The following ZHX1 variants were observed in gnomAD, a reference collection of about 807,000 sequenced individuals.
ZHX1 encodes the protein zinc fingers and homeoboxes protein 1.
Under a neutral mutation model 61.8 loss-of-function variants are expected in ZHX1, and 20 were observed. The ratio of observed to expected loss-of-function variants is 0.32; its 90% CI spans 0.23 to 0.47. The LOEUF (loss-of-function observed/expected upper bound fraction) is 0.47. ZHX1 is among the 20% of genes least tolerant of loss of function. The pLI is 1.00. For synonymous variants in ZHX1, 318 were observed against 352.6 expected, an observed-to-expected ratio of 0.90 and a Z score of 1.10; for missense variants, 800 against 1,034.8, an observed-to-expected ratio of 0.77 and a Z score of 3.11.
chr8:123,259,685 T>TA (rs1225226081), intron 2 of ZHX1, among the ~76,000 whole-genome samples: 1 of 152,256 alleles, frequency 6.6e-6, no homozygotes, highest in Non-Finnish European at 1.5e-5. Context: ...TTGTGACTGT[T>TA]ACTTTCCTGG....
At chr8:123,258,346 C>T (rs1826139794) in intron 2 of ZHX1, among the ~76,000 whole-genome samples, 1 of 152,232 alleles carries the variant, frequency 6.6e-6, no homozygotes, top group South Asian at 2.1e-4. Flanking sequence ...GCAGCAGATG[C>T]TGGAGCCATG....
chr8:123,261,585 TATG>T (rs892369653), intron 2 of ZHX1, among the ~76,000 whole-genome samples: 1 of 152,122 alleles, frequency 6.6e-6, no homozygotes, highest in Non-Finnish European at 1.5e-5. Flanking sequence ...TTAGAATAAC[TATG>T]ATCAGTGCAG....
chr8:123,253,516 A>G lies in ZHX1; in HGVS notation c.2431T>C (p.Tyr811His). Residue 811 changes from tyrosine to histidine, a missense_variant, in exon 3 of 4, where the codon TAT becomes CAT. Tyr to His is a moderately conservative substitution (Grantham distance 83). Coordinates refer to ENST00000395571, the MANE Select transcript of ZHX1 (RefSeq NM_007222.5). ...GCAAACCACTCTCTGACCTGCTCAT[A>G]GCCCATATGTGATTTGTTAACAAGT... ...DELVNKSHMG[Y>H]EQVREWFAER... The G allele has an allele frequency of 6.2e-7, 1 of 1,614,178 alleles. No individual in the cohort carries two copies. The highest frequency in any genetic ancestry group is 8.5e-7 in the Non-Finnish European group (1 of 1,180,016).
rs556186400 is a variant in ZHX1 at position 123,264,250 on chromosome 8, T to C, written c.-226+3023A>G. ...AAATGCAAATTTGCACTTAGAATCA[T>C]TACTTCTCTGTTTTATGAGAAAACT... On this transcript the variant is annotated intron_variant, in intron 2 of 3. Transcript: ENST00000395571. Among the ~76,000 whole-genome samples, 173 of 152,320 alleles carry C rather than the reference T, an allele frequency of 1.1e-3. 2 individuals are homozygous for C. The highest frequency in any genetic ancestry group is 4.0e-3 in the African/African-American group (166 of 41,572).
At position 123,254,335 on chromosome 8, in the gene ZHX1, T is replaced by G; in HGVS notation, c.1612A>C (p.Ile538Leu). ...LHLNNDSSTT[I>L]IIDSSDETTE... ...GTTTCATCACTGGAGTCTATAATAATGGTGGTAGAGGAATCATTGTTGAGA... is the reference window on the plus strand; with the variant it reads ...GTTTCATCACTGGAGTCTATAATAAGGGTGGTAGAGGAATCATTGTTGAGA... Residue 538 changes from isoleucine (I) to leucine (L), a missense_variant, in exon 3 of 4, where the codon ATT becomes CTT. Coordinates refer to ENST00000395571, the MANE Select transcript of ZHX1 (RefSeq NM_007222.5). This position sits in a 1 kb window ranked among gnomAD's most constrained non-coding sequence, Gnocchi z 4.1. The G allele has an allele frequency of 6.2e-7, 1 of 1,614,100 alleles. No individual in the cohort carries two copies. Among genetic ancestry groups the G allele is most frequent in the Non-Finnish European group, 8.5e-7 (1 of 1,179,998 alleles).
At chr8:123,266,744 A>T (rs991608640) in intron 2 of ZHX1, among the ~76,000 whole-genome samples, 1 of 152,192 alleles carries the variant, frequency 6.6e-6, no homozygotes, top group African/African-American at 2.4e-5. Context: ...CTACAAAAGG[A>T]TCAATATTCA....
In ZHX1 at chr8:123,267,390, C is replaced by CA. The variant is rs1826492187; in HGVS notation, c.-339-5dup. 10 of 903,428 alleles carry CA rather than the reference C, an allele frequency of 1.1e-5. No individual in the cohort carries two copies. Among genetic ancestry groups the CA allele is most frequent in the Admixed American group, 3.1e-5 (1 of 31,928 alleles). The allele number at this position is 903,428 out of a possible 1,614,324, so 56.0% of individuals were successfully genotyped here. On this transcript the variant is annotated splice_polypyrimidine_tract_variant and splice_region_variant and intron_variant, in intron 1 of 3. Transcript: ENST00000395571. The stretch of plus-strand genomic sequence containing the variant: ...CAAAGCAGCAGTCTGTCTTCTCCTA[C>CA]AAAAAAGTCATATTTTATTATTCTA...
rs1023818653 is a variant in ZHX1, at chr8:123,255,745, C to T, written c.202G>A (p.Gly68Ser). The T allele has an allele frequency of 1.2e-6, 2 of 1,613,816 alleles. No homozygotes were observed. The highest frequency in any genetic ancestry group is 1.7e-6 in the Non-Finnish European group (2 of 1,179,970). Residue 68 changes from glycine (G) to serine (S), a missense_variant, in exon 3 of 4, where the codon GGT (glycine) becomes AGT (serine). Gly to Ser is a moderately conservative substitution (Grantham distance 56). Transcript: ENST00000395571. ...GTACAATATTTACATTCATATCCACCTTCAACTTTTTTATTTTGCTGATTG... is the reference window on the plus strand; with the variant it reads ...GTACAATATTTACATTCATATCCACTTTCAACTTTTTTATTTTGCTGATTG... ...SDNQQNKKVE[G>S]GYECKYCTFQ...
chr8:123,271,619 A>G (rs539521086), intron 1 of ZHX1, among the ~76,000 whole-genome samples: 3 of 152,200 alleles, frequency 2.0e-5, no homozygotes, highest in Non-Finnish European at 4.4e-5. Flanking sequence ...CTCAAATATC[A>G]CATTTTATGC....
chr8:123,268,051 A>T (rs928656939), intron 1 of ZHX1, among the ~76,000 whole-genome samples: 1 of 152,248 alleles, frequency 6.6e-6, no homozygotes, highest in Non-Finnish European at 1.5e-5. Flanking sequence ...AAGACAATTT[A>T]GTTAAACTAA....
At chr8:123,259,134 T>A (rs995069122) in intron 2 of ZHX1, among the ~76,000 whole-genome samples, 8 of 152,212 alleles carry the variant, frequency 5.3e-5, no homozygotes, top group African/African-American at 1.9e-4. Context: ...CACATCCAAG[T>A]AGCAGAAGGA....
intron 1 of ZHX1, among the ~76,000 whole-genome samples, chr8:123,271,627 T>A (rs189481884): frequency 6.6e-6 from 1 of 152,190 alleles, no homozygotes. Context: ...TCACATTTTA[T>A]GCTTAATTAG....
At position 123,248,746 on chromosome 8, in the gene ZHX1, T is replaced by G. The variant is rs1869248; in HGVS notation, c.*1578A>C. On this transcript the variant is annotated 3_prime_UTR_variant, in exon 4 of 4. Transcript: ENST00000395571. ...AAAACTCAGACCACATTAGCAATGT[T>G]TATAAAAGGGAGCAATTTAATCATT... is the stretch of plus-strand genomic sequence containing the variant. 0.022 allele frequency: 3,303 copies of G among 152,618 alleles called. 129 individuals carry two copies. The highest frequency in any genetic ancestry group is 0.076 in the African/African-American group (3,155 of 41,526). 9.5% of individuals were successfully genotyped at this position (152,618 alleles called of 1,614,324 possible).
At chr8:123,272,544 C>G (rs905403641) in intron 1 of ZHX1, among the ~76,000 whole-genome samples, 16 of 152,210 alleles carry the variant, frequency 1.1e-4, no homozygotes, top group Non-Finnish European at 7.3e-5. Flanking sequence ...GATGGGTATA[C>G]TAGGGCCAAT....
rs1360668519 is a variant in ZHX1 at position 123,250,261 on chromosome 8, T to C, written c.*63A>G. ...TCAATGTCATCAAAGATTGGGCAAA[T>C]TCACAGTAAATCAGACATCTTGAGT... On this transcript the variant is annotated 3_prime_UTR_variant, in exon 4 of 4. Coordinates refer to ENST00000395571, the MANE Select transcript of ZHX1 (RefSeq NM_007222.5). The C allele has an allele frequency of 8.8e-6, 4 of 452,428 alleles. No homozygotes were observed. Among genetic ancestry groups the C allele is most frequent in the African/African-American group, 2.0e-5 (1 of 49,864 alleles). The allele number at this position is 452,428 out of a possible 1,614,324, so 28.0% of individuals were successfully genotyped here. A position where few individuals can be genotyped will look rare whatever the true frequency, so the allele number is the denominator to read the frequency against.
At chr8:123,250,996 T>C (rs1414715378) in intron 3 of ZHX1, among the ~76,000 whole-genome samples, 3 of 152,176 alleles carry the variant, frequency 2.0e-5, no homozygotes, top group Non-Finnish European at 2.9e-5. Flanking sequence ...AAATAGGCTG[T>C]TTTTACATTT....
rs748131999 is a variant in ZHX1 at position 123,253,522 on chromosome 8, T to C, written c.2425A>G (p.Met809Val). The change falls in exon 3 of 4, where the codon ATG becomes GTG. Residue 809 changes from methionine (M) to valine (V), a missense_variant. Coordinates refer to ENST00000395571, the MANE Select transcript of ZHX1 (RefSeq NM_007222.5). The part of the protein sequence containing the change: ...DLDELVNKSH[M>V]GYEQVREWFA... Reference sequence around the variant, plus strand: ...CACTCTCTGACCTGCTCATAGCCCATATGTGATTTGTTAACAAGTTCATCA... The same window carrying C: ...CACTCTCTGACCTGCTCATAGCCCACATGTGATTTGTTAACAAGTTCATCA... 3 of 1,614,072 alleles carry C rather than the reference T, an allele frequency of 1.9e-6. No individual in the cohort carries two copies. Among genetic ancestry groups the C allele is most frequent in the African/African-American group, 1.3e-5 (1 of 74,932 alleles).
chr8:123,255,590 C>T lies in ZHX1; in HGVS notation c.357G>A (p.Glu119=). ...FLTKRYDALS[E]HNLKYHPGEE... ...CTCCTGGGTGATATTTCAGATTATGCTCAGAAAGTGCATCATACCTTTTGG... is the reference window on the plus strand; with the variant it reads ...CTCCTGGGTGATATTTCAGATTATGTTCAGAAAGTGCATCATACCTTTTGG... Residue 119 remains glutamate, a synonymous_variant, in exon 3 of 4, where the codon GAG becomes GAA. Transcript: ENST00000395571. 6.2e-7 allele frequency: 1 copy of T among 1,613,252 alleles called. No individual in the cohort carries two copies. Among genetic ancestry groups the T allele is most frequent in the Non-Finnish European group, 8.5e-7 (1 of 1,179,946 alleles).
At chr8:123,259,719 T>C (rs1378124769) in intron 2 of ZHX1, among the ~76,000 whole-genome samples, 1 of 152,206 alleles carries the variant, frequency 6.6e-6, no homozygotes, top group Admixed American at 6.5e-5. Flanking sequence ...CTATATTTAA[T>C]TGGGGTATAA....
Sources: allele counts gnomAD v4.1 joint callset (sites outside exome capture counted in the v4.1 genomes callset), GRCh38; gene constraint gnomAD v4.1.1; non-coding constraint Gnocchi (gnomAD v3.1); transcripts MANE v1.5; gene names NCBI Gene and HGNC (gene_info 2026-07-23, HGNC 2026-07-21).